ANKS1B: variants seen among roughly 807,000 people sequenced by gnomAD.
ANKS1B encodes the protein ankyrin repeat and sterile alpha motif domain-containing protein 1B.
Under a neutral mutation model 148.3 loss-of-function variants are expected in ANKS1B, and 36 were observed. The ratio of observed to expected loss-of-function variants is 0.24; its 90% CI spans 0.19 to 0.32. ANKS1B has a LOEUF of 0.32. ANKS1B is among the 10% of genes least tolerant of loss of function. ANKS1B has a pLI of 1.00. For missense variants in ANKS1B, 1,157 were observed against 1,542.6 expected, an observed-to-expected ratio of 0.75 and a Z score of 4.19; for synonymous variants, 542 against 560.8, an observed-to-expected ratio of 0.97 and a Z score of 0.47.
chr12:99,341,686 T>C (rs1482771566), intron 12 of ANKS1B, among the ~76,000 whole-genome samples: 2 of 152,100 alleles, frequency 1.3e-5, no homozygotes, highest in Non-Finnish European at 2.9e-5. Flanking sequence ...GGATACAGAA[T>C]GGGTAATCAG....
chr12:99,699,351 A>C (rs375802320), intron 8 of ANKS1B, among the ~76,000 whole-genome samples: 1 of 152,310 alleles, frequency 6.6e-6, no homozygotes, highest in East Asian at 1.9e-4. Context: ...TTCATAAATA[A>C]TTACTTACTT....
intron 9 of ANKS1B, among the ~76,000 whole-genome samples, chr12:99,552,644 C>T (rs1345173522): frequency 6.6e-6 from 1 of 152,058 alleles, no homozygotes; most frequent in Non-Finnish European, 1.5e-5. Context: ...CAATGATTAT[C>T]AAAAATCATA....
At chr12:98,817,192 A>C (rs2099148469) in intron 19 of ANKS1B, among the ~76,000 whole-genome samples, 1 of 152,244 alleles carries the variant, frequency 6.6e-6, no homozygotes, top group Non-Finnish European at 1.5e-5. Flanking sequence ...AAATGAAAAC[A>C]GACTTGAAGA....
At chr12:99,163,744 A>AT (rs2076931071) in intron 14 of ANKS1B, among the ~76,000 whole-genome samples, 1 of 152,052 alleles carries the variant, frequency 6.6e-6, no homozygotes, top group African/African-American at 2.4e-5. Context: ...TGGAATTGGG[A>AT]TTTTTCATTC....
intron 10 of ANKS1B, among the ~76,000 whole-genome samples, chr12:99,484,973 T>G (rs533309754): frequency 1.3e-5 from 2 of 152,026 alleles, no homozygotes; most frequent in South Asian, 4.2e-4. Flanking sequence ...TTAAAATCCA[T>G]TCTGCCATTC....
At chr12:99,027,914 T>C (rs1007941781) in intron 17 of ANKS1B, among the ~76,000 whole-genome samples, 4 of 152,238 alleles carry the variant, frequency 2.6e-5, no homozygotes, top group African/African-American at 9.6e-5. Context: ...TTTGTTATGA[T>C]TATTGCCATA....
At chr12:99,786,729 A>G (rs1355458925) in intron 4 of ANKS1B, among the ~76,000 whole-genome samples, 2 of 152,240 alleles carry the variant, frequency 1.3e-5, no homozygotes, top group Non-Finnish European at 2.9e-5. Flanking sequence ...AATGCTTAGA[A>G]AAAAGCAGAT....
chr12:99,375,339 AT>A (rs2093348594), intron 12 of ANKS1B, among the ~76,000 whole-genome samples: 1 of 152,178 alleles, frequency 6.6e-6, no homozygotes, highest in South Asian at 2.1e-4. Flanking sequence ...CCACTGGTGT[AT>A]ATCATTGCTA....
At chr12:99,043,716 A>G (rs113016918) in intron 17 of ANKS1B, among the ~76,000 whole-genome samples, 1,726 of 152,342 alleles carry the variant, frequency 0.011, 46 homozygotes, top group East Asian at 0.093. Context: ...TATAAATCCC[A>G]AGCTATAAAA....
At chr12:99,452,976 C>G (rs2095773945) in intron 10 of ANKS1B, among the ~76,000 whole-genome samples, 1 of 152,166 alleles carries the variant, frequency 6.6e-6, no homozygotes, top group Non-Finnish European at 1.5e-5. Context: ...GTGAGTTGAA[C>G]TCGTTGAATT....
chr12:99,764,328 A>C (rs2062442886), intron 8 of ANKS1B, among the ~76,000 whole-genome samples: 2 of 152,238 alleles, frequency 1.3e-5, no homozygotes, highest in African/African-American at 4.8e-5. Context: ...AGGATCAAAA[A>C]TAGTTTTCAA....
At chr12:99,200,458 T>C (rs1487304945) in intron 14 of ANKS1B, among the ~76,000 whole-genome samples, 1 of 152,234 alleles carries the variant, frequency 6.6e-6, no homozygotes, top group Non-Finnish European at 1.5e-5. Flanking sequence ...TAGCAGATTC[T>C]AGTCTTTCTA....
At chr12:99,369,780 A>C (rs1005103940) in intron 12 of ANKS1B, among the ~76,000 whole-genome samples, 4 of 145,508 alleles carry the variant, frequency 2.7e-5, no homozygotes, top group Non-Finnish European at 6.0e-5. Flanking sequence ...ATAGATAGAT[A>C]GATAGATAGA....
chr12:99,714,368 A>G (rs2057025112), intron 8 of ANKS1B, among the ~76,000 whole-genome samples: 1 of 152,076 alleles, frequency 6.6e-6, no homozygotes, highest in Non-Finnish European at 1.5e-5. Context: ...GTCATACCTC[A>G]TTTTATTGTG....
intron 10 of ANKS1B, among the ~76,000 whole-genome samples, chr12:99,447,839 A>G (rs1009233283): frequency 1.3e-5 from 2 of 152,150 alleles, no homozygotes; most frequent in Non-Finnish European, 2.9e-5. Context: ...GCCGACAGGT[A>G]TATGAAAAAA....
chr12:99,857,198 A>C (rs2089274010), intron 1 of ANKS1B, among the ~76,000 whole-genome samples: 1 of 152,200 alleles, frequency 6.6e-6, no homozygotes, highest in African/African-American at 2.4e-5. Context: ...CTGGATACAA[A>C]ATTAATGTAC....
intron 14 of ANKS1B, among the ~76,000 whole-genome samples, chr12:99,175,235 C>T (rs1428836653): frequency 6.6e-6 from 1 of 152,098 alleles, no homozygotes; most frequent in Non-Finnish European, 1.5e-5. Context: ...TTTAAGTTTC[C>T]ATGGACATTG....
intron 15 of ANKS1B, among the ~76,000 whole-genome samples, chr12:99,102,062 G>C (rs946137487): frequency 2.0e-5 from 3 of 152,186 alleles, no homozygotes; most frequent in Non-Finnish European, 4.4e-5. Context: ...AATGCCATGA[G>C]AGAAAGAAGG....
intron 15 of ANKS1B, among the ~76,000 whole-genome samples, chr12:99,090,172 T>C (rs1040463819): frequency 6.6e-6 from 1 of 152,216 alleles, no homozygotes. Context: ...TATTTAATTA[T>C]TCATTAGAAG....
Sources: allele counts gnomAD v4.1 joint callset (sites outside exome capture counted in the v4.1 genomes callset), GRCh38; gene constraint gnomAD v4.1.1; transcripts MANE v1.5; gene names NCBI Gene and HGNC (gene_info 2026-07-23, HGNC 2026-07-21).